Variants in TLL1 observed in about 807,000 individuals in gnomAD.
The protein encoded by TLL1 is tolloid-like protein 1.
A neutral mutation model predicts 128.2 loss-of-function variants in TLL1; 49 were observed. That is an observed-to-expected ratio of 0.38 (90% CI 0.30 to 0.48). The LOEUF is 0.48. Ranked by LOEUF, TLL1 falls within the 20% of genes least tolerant of loss-of-function variation. The pLI is 0.96. For synonymous variants in TLL1, 454 were observed against 418.8 expected (o/e 1.08, Z -1.03); for missense variants, 1,123 against 1,242.0 (o/e 0.90, Z 1.44).
At chr4:165,966,669 C>T (rs541832781) in intron 1 of TLL1, among the ~76,000 whole-genome samples, 22 of 152,208 alleles carry the variant, frequency 1.4e-4, no homozygotes, top group African/African-American at 3.4e-4. Flanking sequence ...GGTTCCGTGA[C>T]GTCCCTTGAG....
intron 12 of TLL1, among the ~76,000 whole-genome samples, chr4:166,052,981 ATTT>A (rs1739829736): frequency 6.9e-6 from 1 of 144,692 alleles, no homozygotes; most frequent in African/African-American, 2.6e-5. Flanking sequence ...ATATATATAT[ATTT>A]GGCCAAATTG....
chr4:165,962,127 A>T (rs1182459217), intron 1 of TLL1, among the ~76,000 whole-genome samples: 1 of 152,210 alleles, frequency 6.6e-6, no homozygotes, highest in African/African-American at 2.4e-5. Context: ...CTGTCAACAG[A>T]GTAAACAAGA....
intron 20 of TLL1, among the ~76,000 whole-genome samples, chr4:166,100,091 A>C (rs1742222489): frequency 6.6e-6 from 1 of 152,124 alleles, no homozygotes; most frequent in Non-Finnish European, 1.5e-5. Context: ...TAAGGAAAAG[A>C]AAAACATAAG....
intron 1 of TLL1, among the ~76,000 whole-genome samples, chr4:165,914,179 C>A (rs1732673659): frequency 6.6e-6 from 1 of 152,110 alleles, no homozygotes; most frequent in Non-Finnish European, 1.5e-5. Context: ...GATAGCATTT[C>A]CTGTTTGGCT....
chr4:165,954,561 C>T (rs190011592), intron 1 of TLL1, among the ~76,000 whole-genome samples: 100 of 152,154 alleles, frequency 6.6e-4, no homozygotes, highest in Non-Finnish European at 1.0e-3. Context: ...TTTGCCAGAC[C>T]TCTCTTGCCC....
intron 1 of TLL1, among the ~76,000 whole-genome samples, chr4:165,951,913 AAG>A (rs759279047): frequency 6.6e-6 from 1 of 152,176 alleles, no homozygotes; most frequent in Non-Finnish European, 1.5e-5. Context: ...TTGATCTTAA[AAG>A]AGAGCACAGT....
At chr4:165,930,504 CA>C (rs1733468455) in intron 1 of TLL1, among the ~76,000 whole-genome samples, 1 of 152,056 alleles carries the variant, frequency 6.6e-6, no homozygotes, top group Non-Finnish European at 1.5e-5. Context: ...TACTGAAACA[CA>C]GTAAAATTTA....
intron 1 of TLL1, among the ~76,000 whole-genome samples, chr4:165,937,940 C>A (rs1481230024): frequency 1.4e-5 from 2 of 142,616 alleles, no homozygotes; most frequent in African/African-American, 5.1e-5. Flanking sequence ...TCTAGATACC[C>A]ATAGGATTAT....
At chr4:166,073,312 A>G (rs1272284424) in intron 16 of TLL1, among the ~76,000 whole-genome samples, 1 of 152,172 alleles carries the variant, frequency 6.6e-6, no homozygotes, top group Non-Finnish European at 1.5e-5. Context: ...TGTAGAAGTC[A>G]TTTATAATTC....
intron 10 of TLL1, among the ~76,000 whole-genome samples, chr4:166,039,844 G>A (rs962259199): frequency 2.0e-5 from 3 of 152,140 alleles, no homozygotes; most frequent in Non-Finnish European, 4.4e-5. Context: ...TGCTAAGCCA[G>A]TATAATGTAA....
At position 166,057,273 on chromosome 4, in the gene TLL1, G is replaced by C. The variant is rs753197281; in HGVS notation, c.1810G>C (p.Gly604Arg). 1 of 1,613,898 alleles carries C rather than the reference G, an allele frequency of 6.2e-7. No homozygotes were observed. Among genetic ancestry groups the C allele is most frequent in the East Asian group, 2.2e-5 (1 of 44,818 alleles). ...CAGTTACCAGTGTGCCTGTGAGCCT[G>C]GCTATGAGCTGGGCCCAGACAGAAG... The part of the protein sequence containing the change: ...LGSYQCACEP[G>R]YELGPDRRSC... The change falls in exon 14 of 21, where the codon GGC becomes CGC. Residue 604 changes from glycine (G) to arginine (R), a missense_variant. By Grantham distance (125) the Gly-to-Arg change is moderately radical (BLOSUM62 -2). This residue lies in a region of TLL1 where 634 missense variants were observed against 672.4 expected (regional missense o/e 0.94). Coordinates refer to ENST00000061240, the MANE Select transcript of TLL1 (RefSeq NM_012464.5).
In TLL1 at chr4:166,003,549, T is replaced by C; in HGVS notation, c.791T>C (p.Ile264Thr). 6.2e-7 allele frequency: 1 copy of C among 1,613,948 alleles called. No individual in the cohort carries two copies. Among genetic ancestry groups the C allele is most frequent in the Non-Finnish European group, 8.5e-7 (1 of 1,179,900 alleles). Reference sequence around the variant, plus strand: ...GATCGAGATAACCACGTAACTATCATAAGAGAAAACATCCAGCCAGGTGAG... The same window carrying C: ...GATCGAGATAACCACGTAACTATCACAAGAGAAAACATCCAGCCAGGTGAG... ...RPDRDNHVTI[I>T]RENIQPGQEY... The change falls in exon 6 of 21, where the codon ATA becomes ACA. Residue 264 changes from isoleucine (I) to threonine (T), a missense_variant. By Grantham distance (89) the Ile-to-Thr change is moderately conservative (BLOSUM62 -1). Around this residue, in one of 3 missense-constraint regions of TLL1, gnomAD observed 480 missense variants for 542.4 expected, o/e 0.89. Transcript: ENST00000061240.
rs149322617 is a variant in TLL1, at chr4:165,891,149, A to G, written c.169+17076A>G. ...AAGTGTTGAGACGCACAGAGCAGGA[A>G]GACCCAGGGCCTGGCCTGTGAAACC... On this transcript the variant is annotated intron_variant, in intron 1 of 20. Transcript: ENST00000061240. 2.8e-3 allele frequency among the ~76,000 whole-genome samples: 424 copies of G among 152,284 alleles called. 4 individuals carry two copies. Among genetic ancestry groups the G allele is most frequent in the Non-Finnish European group, 3.7e-3 (251 of 68,024 alleles).
At chr4:166,091,814 C>A (rs1041981357) in intron 19 of TLL1, among the ~76,000 whole-genome samples, 1 of 151,762 alleles carries the variant, frequency 6.6e-6, no homozygotes, top group Admixed American at 6.6e-5. Context: ...TCTATTTTTC[C>A]TTTGTTTATT....
rs376549188 is a variant in TLL1, at chr4:165,976,843, G to A, written c.170-12538G>A. On this transcript the variant is annotated intron_variant, in intron 1 of 20. Transcript: ENST00000061240. The stretch of plus-strand genomic sequence containing the variant: ...ACCCATGGCCTCTGGGCTGTGTGCA[G>A]CCCAGGATGGCTTTGGATGCAGCCC... Among the ~76,000 whole-genome samples the A allele has an allele frequency of 9.2e-5, 14 of 152,294 alleles. No homozygotes were observed. The East Asian group carries it at 1.2e-3, about 13-fold the overall frequency.
chr4:165,919,745 T>C (rs1307327434), intron 1 of TLL1: 2 of 447,970 alleles, frequency 4.5e-6, no homozygotes, highest in African/African-American at 4.0e-5. Context: ...AAATGGCATG[T>C]GGCCAGACGT....
intron 7 of TLL1, among the ~76,000 whole-genome samples, chr4:166,011,656 G>A (rs1422371586): frequency 6.6e-6 from 1 of 151,310 alleles, no homozygotes; most frequent in African/African-American, 2.4e-5. Context: ...CCTGGCTGGG[G>A]CTTTCAGTAC....
chr4:166,083,949 T>C (rs1741393916), intron 18 of TLL1, among the ~76,000 whole-genome samples: 1 of 152,178 alleles, frequency 6.6e-6, no homozygotes, highest in African/African-American at 2.4e-5. Flanking sequence ...TTTTTAACTT[T>C]TCGAGGAGAC....
chr4:165,930,880 G>A (rs1733483304), intron 1 of TLL1, among the ~76,000 whole-genome samples: 1 of 152,200 alleles, frequency 6.6e-6, no homozygotes, highest in Admixed American at 6.5e-5. Flanking sequence ...ATGCATATAT[G>A]TAGTATAGTG....
Sources: allele counts gnomAD v4.1 joint callset (sites outside exome capture counted in the v4.1 genomes callset), GRCh38; gene constraint gnomAD v4.1.1; regional missense constraint gnomAD v4.1.1; transcripts MANE v1.5; gene names NCBI Gene and HGNC (gene_info 2026-07-23, HGNC 2026-07-21).